The following PDE1C variants were observed in gnomAD, a reference collection of about 807,000 sequenced individuals.
The protein encoded by PDE1C is dual specificity calcium/calmodulin-dependent 3',5'-cyclic nucleotide phosphodiesterase 1C.
PDE1C carries 62 observed loss-of-function variants against 93.1 expected under a neutral mutation model. The ratio of observed to expected loss-of-function variants is 0.67; its 90% CI spans 0.54 to 0.82. The LOEUF is 0.82. PDE1C is among the 40% of genes least tolerant of loss of function. The pLI is 0.00. For missense variants in PDE1C, 742 were observed against 884.6 expected, an observed-to-expected ratio of 0.84 and a Z score of 2.04; for synonymous variants, 325 against 310.1, an observed-to-expected ratio of 1.05 and a Z score of -0.50.
chr7:32,212,578 C>G (rs924208897), intron 1 of PDE1C, among the ~76,000 whole-genome samples: 1 of 152,208 alleles, frequency 6.6e-6, no homozygotes, highest in African/African-American at 2.4e-5. Context: ...CCAGAGCATA[C>G]TCCAGCACTC....
intron 9 of PDE1C, among the ~76,000 whole-genome samples, chr7:31,839,228 ATATG>A (rs535916332): frequency 2.1e-3 from 318 of 150,152 alleles, no homozygotes; most frequent in Admixed American, 4.3e-3. Flanking sequence ...ATACATACGT[ATATG>A]TATGTATGTG....
chr7:32,191,357 C>G (rs73104568), intron 2 of PDE1C, among the ~76,000 whole-genome samples: 17,982 of 125,996 alleles, frequency 0.14, 1,192 homozygotes, highest in South Asian at 0.25. Flanking sequence ...CTCATGTTAT[C>G]CTGTTATAGC....
chr7:32,178,894 T>G lies in PDE1C; in HGVS notation c.137-8938A>C, dbSNP rs1803187650. On this transcript the variant is annotated intron_variant, in intron 2 of 18. Transcript: ENST00000396193. Reference sequence around the variant, plus strand: ...TCATCAAGAGAGCAGGGGCTCAGATTCAGATGTAGCAAACATTTGTTCAGT... The same window carrying G: ...TCATCAAGAGAGCAGGGGCTCAGATGCAGATGTAGCAAACATTTGTTCAGT... Among the ~76,000 whole-genome samples, 3 of 152,202 alleles carry G rather than the reference T, an allele frequency of 2.0e-5. No homozygotes were observed. The South Asian group carries it at 6.2e-4, about 32-fold the overall frequency.
chr7:32,412,616 A>G (rs1562713068), intron 1 of PDE1C, among the ~76,000 whole-genome samples: 1 of 152,228 alleles, frequency 6.6e-6, no homozygotes, highest in Non-Finnish European at 1.5e-5. Flanking sequence ...CACGTGAGTA[A>G]TCACCACAGC....
chr7:31,921,649 A>G (rs887614149), intron 2 of PDE1C, among the ~76,000 whole-genome samples: 1 of 152,224 alleles, frequency 6.6e-6, no homozygotes, highest in African/African-American at 2.4e-5. Context: ...TCTGGCTAAT[A>G]TGTGGAATAG....
Position 32,197,585 on chromosome 7 carries a change from A to G in PDE1C, c.136+11904T>C, listed in dbSNP as rs186331974. On this transcript the variant is annotated intron_variant, in intron 2 of 18. Coordinates refer to the PDE1C transcript ENST00000396193. ...ACTGAGGAAAGGAAAAATAAAACGT[A>G]TATCCATACTAGGGAATATTGTCCT... 2.6e-4 allele frequency among the ~76,000 whole-genome samples: 39 copies of G among 152,336 alleles called. 1 individual carries two copies. The East Asian group carries it at 7.3e-3, about 29-fold the overall frequency.
the PDE1C span, among the ~76,000 whole-genome samples, chr7:31,693,673 G>T: frequency 2.6e-5 from 4 of 152,122 alleles, no homozygotes; most frequent in African/African-American, 9.7e-5. Flanking sequence ...AATCAGAAAA[G>T]ATGTAATAAA....
At chr7:31,965,828 C>A (rs536082789) in intron 2 of PDE1C, among the ~76,000 whole-genome samples, 1 of 152,116 alleles carries the variant, frequency 6.6e-6, no homozygotes, top group Non-Finnish European at 1.5e-5. Context: ...AAAATAATTT[C>A]CAACCCAGAA....
At chr7:32,014,151 C>T (rs1167841400) in intron 2 of PDE1C, among the ~76,000 whole-genome samples, 2 of 152,158 alleles carry the variant, frequency 1.3e-5, no homozygotes, top group Admixed American at 6.5e-5. Flanking sequence ...GAAAAAAGTG[C>T]AATGCACTGC....
intron 2 of PDE1C, among the ~76,000 whole-genome samples, chr7:31,932,761 C>T (rs550880682): frequency 5.9e-5 from 9 of 151,516 alleles, no homozygotes; most frequent in East Asian, 3.9e-4. Flanking sequence ...AAGACACATG[C>T]GCACATATGT....
intron 1 of PDE1C, among the ~76,000 whole-genome samples, chr7:32,407,944 G>A (rs1387278707): frequency 6.6e-6 from 1 of 152,112 alleles, no homozygotes; most frequent in Non-Finnish European, 1.5e-5. Flanking sequence ...TCTTCAAAGA[G>A]ATTTGTATTT....
At chr7:32,162,152 T>C (rs904558287) in intron 3 of PDE1C, among the ~76,000 whole-genome samples, 2 of 152,186 alleles carry the variant, frequency 1.3e-5, no homozygotes, top group African/African-American at 4.8e-5. Flanking sequence ...GTTTCTTTAA[T>C]CTCAATGCTT....
intron 3 of PDE1C, among the ~76,000 whole-genome samples, chr7:32,110,196 G>C (rs745576636): frequency 6.6e-6 from 1 of 152,138 alleles, no homozygotes; most frequent in Admixed American, 6.6e-5. Flanking sequence ...GCAGAACTGA[G>C]TGGTTGCCAC....
chr7:32,118,212 T>C (rs2128761687), intron 3 of PDE1C, among the ~76,000 whole-genome samples: 1 of 152,214 alleles, frequency 6.6e-6, no homozygotes, highest in Middle Eastern at 3.4e-3. Flanking sequence ...CAGACAAGTA[T>C]AGAAGCAGAA....
chr7:32,219,657 G>C (rs1205188442), intron 1 of PDE1C, among the ~76,000 whole-genome samples: 3 of 152,132 alleles, frequency 2.0e-5, no homozygotes, highest in Non-Finnish European at 4.4e-5. Flanking sequence ...TGATACCCTG[G>C]TGGCCACCAT....
chr7:32,419,165 G>C (rs1785336413), intron 1 of PDE1C, among the ~76,000 whole-genome samples: 1 of 152,148 alleles, frequency 6.6e-6, no homozygotes, highest in Non-Finnish European at 1.5e-5. Flanking sequence ...TATCTGAGAT[G>C]GGCAAGTTTG....
intron 1 of PDE1C, among the ~76,000 whole-genome samples, chr7:32,256,271 T>C (rs935268854): frequency 6.6e-6 from 1 of 152,152 alleles, no homozygotes; most frequent in African/African-American, 2.4e-5. Flanking sequence ...TAACAGCTTG[T>C]TTGATGGAGT....
intron 2 of PDE1C, among the ~76,000 whole-genome samples, chr7:31,992,155 G>A (rs1563156044): frequency 6.6e-6 from 1 of 152,242 alleles, no homozygotes; most frequent in Non-Finnish European, 1.5e-5. Flanking sequence ...GAGAAGAGCA[G>A]TACTGAGGCT....
At chr7:32,027,708 CCTGA>C (rs1485836342) in intron 2 of PDE1C, among the ~76,000 whole-genome samples, 1 of 145,868 alleles carries the variant, frequency 6.9e-6, no homozygotes, top group Non-Finnish European at 1.5e-5. Context: ...CCAAGATGAG[CCTGA>C]CTGTTATGAG....
Sources: allele counts gnomAD v4.1 joint callset (sites outside exome capture counted in the v4.1 genomes callset), GRCh38; gene constraint gnomAD v4.1.1; transcripts MANE v1.5; gene names NCBI Gene and HGNC (gene_info 2026-07-23, HGNC 2026-07-21).